Variants in RALGPS1 observed in about 807,000 individuals in gnomAD.
RALGPS1 encodes the protein ras-specific guanine nucleotide-releasing factor RalGPS1.
In RALGPS1, 19 loss-of-function variants were observed where a neutral mutation model predicts 78.8. The observed-to-expected ratio is 0.24, with a 90% CI of 0.17 to 0.35. RALGPS1 has a LOEUF of 0.35. RALGPS1 is among the 10% of genes least tolerant of loss of function. The pLI is 1.00. For synonymous variants in RALGPS1, 228 were observed against 256.3 expected (o/e 0.89, Z 1.06); for missense variants, 454 against 688.3 (o/e 0.66, Z 3.81).
intron 4 of RALGPS1, among the ~76,000 whole-genome samples, chr9:126,998,282 G>A (rs2042962327): frequency 6.6e-6 from 1 of 152,076 alleles, no homozygotes; most frequent in Admixed American, 6.6e-5. Flanking sequence ...CTGACAAAGG[G>A]CTAATACCTA....
Position 127,108,910 on chromosome 9 carries a change from T to C in RALGPS1, c.610+39554T>C, listed in dbSNP as rs953692674. ...AACTCTGCTTCAGGATGCTGGGTTA[T>C]ATTCTCTTGGAGTCAGAGAACAGGC... is the stretch of plus-strand genomic sequence containing the variant. On this transcript the variant is annotated intron_variant, in intron 8 of 18. Transcript: ENST00000259351. The C allele has an allele frequency of 4.5e-6, 3 of 674,050 alleles. No homozygotes were observed. In the African/African-American group the frequency reaches 5.4e-5, roughly 12 times the overall value. The allele number at this position is 674,050 out of a possible 1,614,324, so 41.8% of individuals were successfully genotyped here. A position where few individuals can be genotyped will look rare whatever the true frequency, so the allele number is the denominator to read the frequency against.
intron 4 of RALGPS1, among the ~76,000 whole-genome samples, chr9:127,025,618 G>A (rs898826145): frequency 2.0e-5 from 3 of 152,188 alleles, no homozygotes; most frequent in African/African-American, 7.2e-5. Context: ...ACTGACTAAT[G>A]ACATAGAGCA....
At chr9:127,138,230 T>C (rs539651163) in intron 8 of RALGPS1, among the ~76,000 whole-genome samples, 10 of 152,336 alleles carry the variant, frequency 6.6e-5, no homozygotes, top group Admixed American at 2.0e-4. Flanking sequence ...TCTCGAATGT[T>C]AGAGCTGTAA....
chr9:127,069,477 A>G (rs1043498525), intron 8 of RALGPS1, 121 bp downstream of exon 8: 34 of 1,165,414 alleles, frequency 2.9e-5, no homozygotes, highest in South Asian at 6.0e-5. Flanking sequence ...TAAAGAGGCA[A>G]TTGGTTGGCT....
At chr9:127,191,967 G>C (rs1483868457) in intron 11 of RALGPS1, among the ~76,000 whole-genome samples, 1 of 152,190 alleles carries the variant, frequency 6.6e-6, no homozygotes, top group Non-Finnish European at 1.5e-5. Context: ...AAAGTGCTGG[G>C]ATTAGAGGCG....
intron 7 of RALGPS1, among the ~76,000 whole-genome samples, chr9:127,053,253 T>A (rs2048444954): frequency 6.6e-6 from 1 of 152,138 alleles, no homozygotes; most frequent in Non-Finnish European, 1.5e-5. Context: ...CTGGAATTTT[T>A]CTCTGGCAGG....
At chr9:126,960,326 C>T (rs999995775) in intron 1 of RALGPS1, among the ~76,000 whole-genome samples, 5 of 150,936 alleles carry the variant, frequency 3.3e-5, no homozygotes, top group South Asian at 2.1e-4. Flanking sequence ...CTCCGCCTCC[C>T]GGGTTCAAGC....
chr9:127,158,514 G>A (rs2058829208), intron 8 of RALGPS1, among the ~76,000 whole-genome samples: 1 of 151,780 alleles, frequency 6.6e-6, no homozygotes, highest in African/African-American at 2.4e-5. Context: ...CCCTAATATT[G>A]TTCATCTGTG....
At chr9:126,932,262 G>A (rs1406522092) in intron 1 of RALGPS1, among the ~76,000 whole-genome samples, 4 of 152,170 alleles carry the variant, frequency 2.6e-5, no homozygotes, top group African/African-American at 9.7e-5. Context: ...GTGAGGTTGT[G>A]GAGCGATCAG....
intron 8 of RALGPS1, among the ~76,000 whole-genome samples, chr9:127,152,690 G>T (rs1056358461): frequency 6.6e-6 from 1 of 152,190 alleles, no homozygotes. Context: ...CACTAAGGCT[G>T]TCTGTCCATA....
intron 4 of RALGPS1, among the ~76,000 whole-genome samples, chr9:126,978,457 G>T (rs55981847): frequency 2.6e-5 from 4 of 151,700 alleles, no homozygotes; most frequent in African/African-American, 9.7e-5. Flanking sequence ...GTGTGTGTGC[G>T]TGTGAGATCA....
intron 4 of RALGPS1, among the ~76,000 whole-genome samples, chr9:126,984,970 A>G (rs2041657694): frequency 6.6e-6 from 1 of 152,234 alleles, no homozygotes; most frequent in Non-Finnish European, 1.5e-5. Context: ...GGAAAATGTC[A>G]TGAGTTCATA....
chr9:127,167,900 G>A (rs567722675), intron 9 of RALGPS1, among the ~76,000 whole-genome samples: 2 of 152,346 alleles, frequency 1.3e-5, no homozygotes, highest in East Asian at 3.9e-4. Flanking sequence ...AAGGTCTGCA[G>A]AGAGCAGCTG....
At chr9:127,050,207 C>A in intron 6 of RALGPS1, 75 bp downstream of exon 6, 1 of 1,251,938 alleles carries the variant, frequency 8.0e-7, no homozygotes, top group Non-Finnish European at 1.2e-6. Flanking sequence ...TATGTTTCCT[C>A]AGTACTTTGG....
chr9:127,108,714 C>CA, intron 8 of RALGPS1: 1 of 1,608,634 alleles, frequency 6.2e-7, no homozygotes, highest in East Asian at 2.2e-5. Flanking sequence ...ACCAGCATGT[C>CA]ACGCACAGTG....
Position 127,183,110 on chromosome 9 carries a change from C to T in RALGPS1, c.910+8328C>T, listed in dbSNP as rs2060387621. Among the ~76,000 whole-genome samples, 1 of 152,196 alleles carries T rather than the reference C, an allele frequency of 6.6e-6. No individual in the cohort carries two copies. Among genetic ancestry groups the T allele is most frequent in the Admixed American group, 6.5e-5 (1 of 15,274 alleles). On this transcript the variant is annotated intron_variant, in intron 11 of 18. Transcript: ENST00000259351. The surrounding 1 kb of genome is among the most constrained non-coding windows in gnomAD (Gnocchi z 4.0). ...GTGAACTGAGTGAGAACTCACTCAT[C>T]ACCAGGGGGATGGTGCTAAGCCATT...
intron 1 of RALGPS1, among the ~76,000 whole-genome samples, chr9:126,949,328 A>G (rs1448997851): frequency 6.6e-6 from 1 of 152,202 alleles, no homozygotes; most frequent in Non-Finnish European, 1.5e-5. Context: ...GTATATACCC[A>G]GTAATGGGAT....
intron 11 of RALGPS1, among the ~76,000 whole-genome samples, chr9:127,188,056 CTTTT>C (rs35971647): frequency 1.2e-5 from 1 of 81,700 alleles, no homozygotes; most frequent in East Asian, 4.3e-4. Flanking sequence ...GAATTAGAGC[CTTTT>C]TTTTTTTTTT....
At chr9:127,063,176 A>G (rs540680895) in intron 7 of RALGPS1, among the ~76,000 whole-genome samples, 3 of 152,356 alleles carry the variant, frequency 2.0e-5, no homozygotes, top group South Asian at 4.1e-4. Flanking sequence ...TTTCTCCTCC[A>G]TGGAGACAAC....
Sources: gnomAD v4.1 joint callset for allele counts (sites outside exome capture counted in the v4.1 genomes callset) on GRCh38, gnomAD v4.1.1 for gene constraint, Gnocchi (gnomAD v3.1) non-coding constraint, MANE v1.5 for transcripts, NCBI Gene and HGNC (gene_info 2026-07-23, HGNC 2026-07-21) for gene names.